Variants in MYO9B observed in about 807,000 individuals in gnomAD.
The protein encoded by MYO9B is myosin IXB, also known as unconventional myosin-IXb.
Under a neutral mutation model 229.5 loss-of-function variants are expected in MYO9B, and 71 were observed. The observed-to-expected ratio is 0.31, with a 90% confidence interval of 0.26 to 0.38. The LOEUF (loss-of-function observed/expected upper bound fraction) is 0.38, where lower values mean the gene tolerates loss of function less well. Among genes scored for constraint, MYO9B ranks in the 10% least tolerant of loss-of-function variants. The pLI is 1.00. For synonymous variants in MYO9B, 1,185 were observed against 1,235.8 expected (o/e 0.96, Z 0.86); for missense variants, 2,255 against 2,920.5 (o/e 0.77, Z 5.25).
intron 2 of MYO9B, among the ~76,000 whole-genome samples, chr19:17,122,634 A>G (rs899979221): frequency 5.3e-5 from 8 of 152,238 alleles, no homozygotes; most frequent in African/African-American, 1.9e-4. Context: ...TTGTAATCCA[A>G]GATGCTCAGG....
intron 2 of MYO9B, among the ~76,000 whole-genome samples, chr19:17,112,309 G>A (rs1225762203): frequency 6.6e-6 from 1 of 152,182 alleles, no homozygotes; most frequent in Non-Finnish European, 1.5e-5. Flanking sequence ...GGGGTGGGAG[G>A]AAGCAAGAAG....
intron 2 of MYO9B, among the ~76,000 whole-genome samples, chr19:17,123,888 A>T (rs145746222): frequency 6.6e-6 from 1 of 151,674 alleles, no homozygotes; most frequent in Non-Finnish European, 1.5e-5. Context: ...TTCTCAAAAA[A>T]TCATTTTTCT....
In MYO9B at chr19:17,205,288, G is replaced by A; in HGVS notation, c.5016G>A (p.Lys1672=). The A allele has an allele frequency of 1.2e-6, 2 of 1,613,862 alleles. No homozygotes were observed. Among genetic ancestry groups the A allele is most frequent in the East Asian group, 4.5e-5 (2 of 44,886 alleles). The change falls in exon 31 of 40, where the codon AAG becomes AAA. Residue 1672 remains lysine, a synonymous_variant. Coordinates refer to ENST00000682292, the MANE Select transcript of MYO9B (RefSeq NM_004145.4). The part of the protein sequence containing the change: ...CSVCKMTCHK[K]CVHKIQSHCS... ...TGTGCAAGATGACCTGCCACAAGAA[G>A]TGCGTGCACAAGATTCAGAGCCACT... is the stretch of plus-strand genomic sequence containing the variant.
intron 1 of MYO9B, among the ~76,000 whole-genome samples, chr19:17,088,153 T>C (rs531442437): frequency 6.6e-6 from 1 of 152,324 alleles, no homozygotes; most frequent in African/African-American, 2.4e-5. Context: ...GGGAGGACCC[T>C]TCCTGCCTGT....
chr19:17,145,527 G>T (rs746214331), intron 3 of MYO9B, 36 bp downstream of exon 3: 1 of 1,553,086 alleles, frequency 6.4e-7, no homozygotes, highest in East Asian at 2.2e-5. Context: ...GGTGGGAGCT[G>T]GCCCCACGCA....
At chr19:17,186,731 TTTTG>T (rs1317342260) in intron 18 of MYO9B, among the ~76,000 whole-genome samples, 10 of 151,946 alleles carry the variant, frequency 6.6e-5, no homozygotes, top group Non-Finnish European at 8.8e-5. Context: ...CTTTGTTTGT[TTTTG>T]TTTGTTTGTT....
At chr19:17,170,831 T>TAA (rs548201494) in intron 11 of MYO9B, among the ~76,000 whole-genome samples, 40,025 of 120,588 alleles carry the variant, frequency 0.33, 6,811 homozygotes, top group East Asian at 0.38. Context: ...CTCTAAAAAT[T>TAA]AAAAAAAAAA....
In MYO9B at chr19:17,152,659, A is replaced by T. The variant is rs1223235622; in HGVS notation, c.951A>T (p.Lys317Asn). 4 of 1,613,418 alleles carry T rather than the reference A, an allele frequency of 2.5e-6. No individual in the cohort carries two copies. In the Admixed American group the frequency reaches 6.7e-5, roughly 27 times the overall value. The change falls in exon 4 of 40, where the codon AAA becomes AAT. Residue 317 changes from lysine (K) to asparagine (N), a missense_variant. By Grantham distance (94) the Lys-to-Asn change is moderately conservative (BLOSUM62 0). Transcript: ENST00000682292. Reference sequence around the variant, plus strand: ...TTAATGACAGAGCTGTCGTCGAGAAATATCTGCTTGAAAAGTCTCGCCTGG... The same window carrying T: ...TTAATGACAGAGCTGTCGTCGAGAATTATCTGCTTGAAAAGTCTCGCCTGG... The part of the protein sequence containing the change: ...SGIVRGAVVE[K>N]YLLEKSRLVS...
rs1447530604 is a variant in MYO9B, at chr19:17,172,693, G to A, written c.1936-66G>A. 9.5e-6 allele frequency: 15 copies of A among 1,576,922 alleles called. No homozygotes were observed. Among genetic ancestry groups the A allele is most frequent in the Non-Finnish European group, 1.2e-5 (14 of 1,149,048 alleles). On this transcript the variant is annotated intron_variant, in intron 12 of 39. Transcript: ENST00000682292. This position sits in a 1 kb window ranked among gnomAD's most constrained non-coding sequence, Gnocchi z 8.2. ...CCGTCAGCCCTTCCTGCGCCAGCCC[G>A]GGGTCTTTGGTAGGCGCCGGTGAGT...
chr19:17,122,061 G>A (rs552129911), intron 2 of MYO9B, among the ~76,000 whole-genome samples: 279 of 152,050 alleles, frequency 1.8e-3, no homozygotes, highest in Non-Finnish European at 3.3e-3. Context: ...GGAAGCAAAC[G>A]TCATCTCAAG....
chr19:17,206,717 G>T lies in MYO9B; in HGVS notation c.5425G>T (p.Ala1809Ser). Reference sequence around the variant, plus strand: ...GCAGGAGCAGCTGGCTGCCATCTATGCCGTCCTGGAGCACCTTCCAGAAGC... The same window carrying T: ...GCAGGAGCAGCTGGCTGCCATCTATTCCGTCCTGGAGCACCTTCCAGAAGC... Reference protein sequence around the residue: ...EKQEQLAAIYAVLEHLPEANH... With the variant: ...EKQEQLAAIYSVLEHLPEANH... The change falls in exon 34 of 40, where the codon GCC becomes TCC. Residue 1809 changes from alanine to serine, a missense_variant. By Grantham distance (99) the Ala-to-Ser change is moderately conservative. Coordinates refer to ENST00000682292, the MANE Select transcript of MYO9B (RefSeq NM_004145.4). 6.3e-7 allele frequency: 1 copy of T among 1,588,526 alleles called. No homozygotes were observed.
intron 9 of MYO9B, among the ~76,000 whole-genome samples, 165 bp from the exon 10 acceptor site, chr19:17,162,823 C>CA (rs1408822100): frequency 6.6e-6 from 1 of 151,226 alleles, no homozygotes; most frequent in Non-Finnish European, 1.5e-5. Context: ...ACCCCATCTC[C>CA]AAAAAAAAAT....
intron 13 of MYO9B, among the ~76,000 whole-genome samples, chr19:17,174,269 G>A (rs879909661): frequency 2.6e-5 from 4 of 151,750 alleles, no homozygotes; most frequent in African/African-American, 9.7e-5. Flanking sequence ...CTGACCTCAC[G>A]ATCCGTCTGG....
chr19:17,078,784 G>A (rs1244367286), intron 1 of MYO9B, among the ~76,000 whole-genome samples: 1 of 152,226 alleles, frequency 6.6e-6, no homozygotes, highest in African/African-American at 2.4e-5. Flanking sequence ...AGCCCGGCCT[G>A]TACAGGGCAT....
chr19:17,135,340 A>G (rs758876101), intron 2 of MYO9B, among the ~76,000 whole-genome samples: 38 of 152,198 alleles, frequency 2.5e-4, no homozygotes, highest in Middle Eastern at 3.4e-3. Context: ...TGGGTTTTAT[A>G]GCCTGGGGGG....
chr19:17,117,590 T>A (rs562283799), intron 2 of MYO9B, among the ~76,000 whole-genome samples: 2 of 152,288 alleles, frequency 1.3e-5, no homozygotes, highest in African/African-American at 4.8e-5. Flanking sequence ...GACAGTATCA[T>A]CACCTCTTTA....
rs1461518468 is a variant in MYO9B at position 17,101,440 on chromosome 19, T to C, written c.-58-220T>C. Among the ~76,000 whole-genome samples, 1 of 152,060 alleles carries C rather than the reference T, an allele frequency of 6.6e-6. No individual in the cohort carries two copies. The highest frequency in any genetic ancestry group is 1.5e-5 in the Non-Finnish European group (1 of 68,004). ...CCTTGGCCTCCTAAAGTGTTGGGATTATAAGCATGAGCCACTGCAGGAGCC... is the reference window on the plus strand; with the variant it reads ...CCTTGGCCTCCTAAAGTGTTGGGATCATAAGCATGAGCCACTGCAGGAGCC... On this transcript the variant is annotated intron_variant, in intron 1 of 39. Coordinates refer to ENST00000682292, the MANE Select transcript of MYO9B (RefSeq NM_004145.4). This position sits in a 1 kb window ranked among gnomAD's most constrained non-coding sequence, Gnocchi z 4.7.
At chr19:17,105,875 A>G (rs2057787930) in intron 2 of MYO9B, among the ~76,000 whole-genome samples, 1 of 152,146 alleles carries the variant, frequency 6.6e-6, no homozygotes, top group African/African-American at 2.4e-5. Flanking sequence ...TGCAAGTAAC[A>G]CAGAGATTCA....
In MYO9B at chr19:17,210,817, A is replaced by G; in HGVS notation, c.5899A>G (p.Ile1967Val). The part of the protein sequence containing the change: ...GDEDREKEIL[I>V]ERIQSIKEEK... ...TGAGGACCGGGAAAAGGAGATTCTC[A>G]TTGAACGGATCCAGTCCATCAAGGA... Residue 1967 changes from isoleucine (I) to valine (V), a missense_variant, in exon 38 of 40, where the codon ATT becomes GTT. Coordinates refer to ENST00000682292, the MANE Select transcript of MYO9B (RefSeq NM_004145.4). 2 of 1,598,514 alleles carry G rather than the reference A, an allele frequency of 1.3e-6. No homozygotes were observed. The highest frequency in any genetic ancestry group is 1.7e-6 in the Non-Finnish European group (2 of 1,173,068).
Sources: allele counts gnomAD v4.1 joint callset (sites outside exome capture counted in the v4.1 genomes callset), GRCh38; gene constraint gnomAD v4.1.1; non-coding constraint Gnocchi (gnomAD v3.1); transcripts MANE v1.5; gene names NCBI Gene and HGNC (gene_info 2026-07-23, HGNC 2026-07-21).